KANK1: variants seen among roughly 807,000 people sequenced by gnomAD.
KANK1 encodes KN motif and ankyrin repeat domain-containing protein 1.
A neutral mutation model predicts 106.2 loss-of-function variants in KANK1; 109 were observed. That is an observed-to-expected ratio of 1.03 (90% CI 0.88 to 1.20). The LOEUF (loss-of-function observed/expected upper bound fraction) is 1.20, where lower values mean the gene tolerates loss of function less well. Among genes scored for constraint, KANK1 ranks in the 50% most tolerant of loss-of-function variants. The pLI is 0.00. For missense variants in KANK1, 2,399 were observed against 1,710.7 expected (o/e 1.40, Z -7.10); for synonymous variants, 873 against 652.2 (o/e 1.34, Z -5.16).
At chr9:731,028 G>C (rs1832095157) in intron 4 of KANK1, 130 bp from the exon 5 acceptor site, 2 of 454,478 alleles carry the variant, frequency 4.4e-6, no homozygotes, top group Admixed American at 8.4e-5. Flanking sequence ...ATTGAATTTT[G>C]TGGAAACTTC....
chr9:491,216 C>G lies in KANK1; in HGVS notation c.-362+17943C>G, dbSNP rs145426004. On this transcript the variant is annotated intron_variant, in intron 3 of 15. Coordinates refer to the KANK1 transcript ENST00000382303. ...GCTCAAGTAATCCTCCTACCTCGGC[C>G]TCCCAAAGTGCTGGAATTACACATG... Among the ~76,000 whole-genome samples the G allele has an allele frequency of 6.4e-3, 979 of 151,928 alleles. 10 individuals are homozygous for G. The highest frequency in any genetic ancestry group is 0.021 in the African/African-American group (881 of 41,410).
intron 1 of KANK1, among the ~76,000 whole-genome samples, chr9:666,901 C>CTTTTTTTTTGT (rs1844726162): frequency 1.9e-5 from 1 of 53,494 alleles, no homozygotes. Context: ...CTATTGTTGT[C>CTTTTTTTTTGT]TTTTTTTTTT....
chr9:602,509 C>T (rs1327188196), intron 1 of KANK1, among the ~76,000 whole-genome samples: 2 of 151,798 alleles, frequency 1.3e-5, no homozygotes, highest in Non-Finnish European at 1.5e-5. Flanking sequence ...CCGCCTGCCT[C>T]AGCCTCCCAA....
At chr9:657,698 G>C (rs1026467414) in intron 1 of KANK1, among the ~76,000 whole-genome samples, 1 of 152,072 alleles carries the variant, frequency 6.6e-6, no homozygotes, top group Admixed American at 6.6e-5. Flanking sequence ...GGTGAGGTGC[G>C]TATGCTGCGT....
rs940711547 is a variant in KANK1, at chr9:508,122, T to A, written c.-84+3368T>A. On this transcript the variant is annotated intron_variant, in intron 1 of 11. Transcript: ENST00000382297. The stretch of plus-strand genomic sequence containing the variant: ...CAGGTGTGAGACACCCTGCTCAGCC[T>A]TTTTTTTTTTTTTTTTTTTTTTTTT... 5.0e-4 allele frequency among the ~76,000 whole-genome samples: 9 copies of A among 18,122 alleles called. No homozygotes were observed. The African/African-American group carries it at 6.5e-3, about 13-fold the overall frequency. The allele number at this position is 18,122 out of a possible 152,430, so 11.9% of individuals were successfully genotyped here.
At chr9:480,276 C>G (rs2058180830) in intron 3 of KANK1, among the ~76,000 whole-genome samples, 1 of 152,202 alleles carries the variant, frequency 6.6e-6, no homozygotes, top group South Asian at 2.1e-4. Flanking sequence ...TCAAATCACC[C>G]ATAATCTGAT....
At chr9:607,484 C>CA (rs760884670) in intron 1 of KANK1, among the ~76,000 whole-genome samples, 19,521 of 59,674 alleles carry the variant, frequency 0.33, 2,476 homozygotes, top group Non-Finnish European at 0.36. Context: ...GACTCCATCT[C>CA]AAAAAAAAAA....
chr9:744,982 G>A (rs568843107), intron 11 of KANK1, 191 bp from the exon 12 acceptor site: 224 of 1,487,508 alleles, frequency 1.5e-4, no homozygotes, highest in African/African-American at 3.2e-4. Context: ...CAGGACAGCC[G>A]GACATAGCAC....
At chr9:741,061 C>G (rs12000539) in intron 9 of KANK1, 127 bp downstream of exon 9, 10 of 1,031,430 alleles carry the variant, frequency 9.7e-6, no homozygotes, top group Admixed American at 2.6e-5. Context: ...TGCAGGCCTG[C>G]CCTGAGTCCA....
At chr9:682,458 G>A (rs1817756080) in intron 2 of KANK1, among the ~76,000 whole-genome samples, 1 of 152,126 alleles carries the variant, frequency 6.6e-6, no homozygotes, top group African/African-American at 2.4e-5. Context: ...TTGGATATCA[G>A]CTCTTGACTT....
intron 3 of KANK1, among the ~76,000 whole-genome samples, chr9:474,919 A>G (rs532559685): frequency 6.6e-6 from 1 of 152,266 alleles, no homozygotes; most frequent in East Asian, 1.9e-4. Flanking sequence ...CTGATGGTGT[A>G]CTTGTTACAG....
At chr9:718,962 T>TTC (rs1287038850) in intron 3 of KANK1, among the ~76,000 whole-genome samples, 1 of 134,718 alleles carries the variant, frequency 7.4e-6, no homozygotes, top group African/African-American at 3.0e-5. Flanking sequence ...CCTTTTTTTT[T>TTC]TTTTTTTTTT....
chr9:537,407 A>G (rs1448928382), intron 1 of KANK1, among the ~76,000 whole-genome samples: 1 of 152,202 alleles, frequency 6.6e-6, no homozygotes, highest in African/African-American at 2.4e-5. Context: ...ATTTGCTAGA[A>G]GATCAAAGCA....
chr9:641,578 A>G (rs758929771), intron 1 of KANK1, among the ~76,000 whole-genome samples: 1 of 152,136 alleles, frequency 6.6e-6, no homozygotes, highest in Non-Finnish European at 1.5e-5. Flanking sequence ...TACTGAAGAA[A>G]CTCGGAACAG....
chr9:529,853 C>T (rs1587546539), intron 1 of KANK1, among the ~76,000 whole-genome samples: 1 of 152,230 alleles, frequency 6.6e-6, no homozygotes, highest in Non-Finnish European at 1.5e-5. Flanking sequence ...ACAGATGTTA[C>T]TCCAGCTGCC....
intron 3 of KANK1, among the ~76,000 whole-genome samples, chr9:726,664 A>G (rs908959717): frequency 6.6e-6 from 1 of 151,992 alleles, no homozygotes; most frequent in African/African-American, 2.4e-5. Context: ...AACGGAGACA[A>G]AAATTAAAAA....
intron 1 of KANK1, among the ~76,000 whole-genome samples, chr9:627,280 A>G (rs189593589): frequency 6.2e-4 from 94 of 152,194 alleles, no homozygotes; most frequent in African/African-American, 2.2e-3. Context: ...CCTTCTCCCT[A>G]AACCACAAAG....
Position 584,600 on chromosome 9 carries a change from G to A in KANK1, c.-84+79846G>A, listed in dbSNP as rs117484760. On this transcript the variant is annotated intron_variant, in intron 1 of 11. Coordinates refer to ENST00000382297, the MANE Select transcript of KANK1 (RefSeq NM_015158.5). ...AAGTAACTATCATTTACCTACAGCAGAAGAAGAATATAACTTAGCATTTGA... is the reference window on the plus strand; with the variant it reads ...AAGTAACTATCATTTACCTACAGCAAAAGAAGAATATAACTTAGCATTTGA... Among the ~76,000 whole-genome samples the A allele has an allele frequency of 7.1e-4, 108 of 152,300 alleles. 1 individual carries two copies. The highest frequency in any genetic ancestry group is 1.3e-3 in the Non-Finnish European group (88 of 68,030).
intron 2 of KANK1, among the ~76,000 whole-genome samples, chr9:679,481 A>G (rs1299566524): frequency 6.6e-6 from 1 of 152,070 alleles, no homozygotes; most frequent in Non-Finnish European, 1.5e-5. Flanking sequence ...GTGGCACGAT[A>G]TCGGCTCACT....
Sources: gnomAD v4.1 joint callset for allele counts (sites outside exome capture counted in the v4.1 genomes callset) on GRCh38, gnomAD v4.1.1 for gene constraint, MANE v1.5 for transcripts, NCBI Gene and HGNC (gene_info 2026-07-23, HGNC 2026-07-21) for gene names.